The following CDH13 variants were observed in gnomAD, a reference collection of about 807,000 sequenced individuals.
The protein encoded by CDH13 is cadherin-13.
Under a neutral mutation model 63.8 loss-of-function variants are expected in CDH13, and 24 were observed. The ratio of observed to expected loss-of-function variants is 0.38; its 90% CI spans 0.27 to 0.53. The LOEUF (loss-of-function observed/expected upper bound fraction) is 0.53, where lower values mean the gene tolerates loss of function less well. CDH13 is among the 20% of genes least tolerant of loss of function. The pLI, the probability that CDH13 is intolerant of heterozygous loss-of-function variation, is 0.85. For synonymous variants in CDH13, 503 were observed against 355.3 expected, an observed-to-expected ratio of 1.42 and a Z score of -4.67; for missense variants, 1,049 against 903.1, an observed-to-expected ratio of 1.16 and a Z score of -2.07.
chr16:83,294,967 C>T (rs373135431), intron 5 of CDH13, among the ~76,000 whole-genome samples: 52 of 152,174 alleles, frequency 3.4e-4, no homozygotes, highest in East Asian at 1.7e-3. Flanking sequence ...ATCACACTAC[C>T]TGACTTCAAA....
chr16:83,456,277 C>G (rs368949362), intron 6 of CDH13, among the ~76,000 whole-genome samples: 3 of 152,194 alleles, frequency 2.0e-5, no homozygotes, highest in African/African-American at 7.2e-5. Context: ...GAACATTTCA[C>G]TAAATCGAAT....
rs138881914 is a variant in CDH13, at chr16:83,229,917, G to A, written c.636+12420G>A. Among the ~76,000 whole-genome samples the A allele has an allele frequency of 3.3e-5, 5 of 152,256 alleles. No homozygotes were observed. In the East Asian group the frequency reaches 7.7e-4, roughly 24 times the overall value. ...TAGCAAACTGGAGAGTCGCATCCTC[G>A]TTAAATGATGGCTTAGCATGTAAAA... On this transcript the variant is annotated intron_variant, in intron 5 of 13. Transcript: ENST00000567109.
intron 1 of CDH13, among the ~76,000 whole-genome samples, chr16:82,841,646 G>C (rs1390398721): frequency 6.6e-6 from 1 of 151,976 alleles, no homozygotes; most frequent in Non-Finnish European, 1.5e-5. Context: ...TTTCCAGGCT[G>C]TTTTAACTCA....
intron 7 of CDH13, among the ~76,000 whole-genome samples, chr16:83,537,612 G>C (rs1006140745): frequency 2.6e-5 from 4 of 150,996 alleles, no homozygotes; most frequent in Non-Finnish European, 4.4e-5. Flanking sequence ...AGTACCCTAA[G>C]ACAGAAGCTT....
intron 1 of CDH13, among the ~76,000 whole-genome samples, chr16:82,706,803 C>G (rs1482541961): frequency 4.2e-5 from 6 of 144,012 alleles, no homozygotes; most frequent in Non-Finnish European, 9.2e-5. Flanking sequence ...GACTCTGTCT[C>G]AAAAAAAAAA....
At chr16:82,768,672 C>G (rs2034644929) in intron 1 of CDH13, among the ~76,000 whole-genome samples, 1 of 152,168 alleles carries the variant, frequency 6.6e-6, no homozygotes, top group African/African-American at 2.4e-5. Context: ...TCAGGATCAT[C>G]CAGCCTAGTG....
intron 1 of CDH13, among the ~76,000 whole-genome samples, chr16:82,740,582 G>A (rs2033883295): frequency 2.0e-5 from 3 of 152,152 alleles, no homozygotes; most frequent in Admixed American, 2.0e-4. Flanking sequence ...TCTAGGCTGG[G>A]CTCAGCTGGG....
chr16:83,402,075 C>A (rs989645319), intron 6 of CDH13, among the ~76,000 whole-genome samples: 1 of 152,110 alleles, frequency 6.6e-6, no homozygotes, highest in Non-Finnish European at 1.5e-5. Flanking sequence ...TTGTAGAGTA[C>A]ATAGGTGTTA....
intron 10 of CDH13, among the ~76,000 whole-genome samples, chr16:83,695,817 A>G (rs989968558): frequency 6.6e-6 from 1 of 152,192 alleles, no homozygotes; most frequent in African/African-American, 2.4e-5. Context: ...CCTGTTCTAT[A>G]GATGAGGAAG....
chr16:83,250,014 G>C (rs751480877), intron 5 of CDH13, among the ~76,000 whole-genome samples: 12 of 152,186 alleles, frequency 7.9e-5, no homozygotes, highest in Non-Finnish European at 1.3e-4. Flanking sequence ...TGCAATAGGA[G>C]TGTAATGAGA....
At chr16:83,006,379 G>C (rs1325303950) in intron 2 of CDH13, among the ~76,000 whole-genome samples, 3 of 152,206 alleles carry the variant, frequency 2.0e-5, no homozygotes, top group Admixed American at 6.5e-5. Flanking sequence ...TATGTCTCCT[G>C]AATGGTTTTG....
chr16:82,840,584 C>G (rs1278448692), intron 1 of CDH13, among the ~76,000 whole-genome samples: 4 of 149,444 alleles, frequency 2.7e-5, no homozygotes, highest in African/African-American at 9.8e-5. Context: ...ACTTGGGTGG[C>G]TGAGGCAGGA....
chr16:82,803,000 C>T (rs1246338312), intron 1 of CDH13, among the ~76,000 whole-genome samples: 1 of 152,200 alleles, frequency 6.6e-6, no homozygotes, highest in African/African-American at 2.4e-5. Flanking sequence ...TTCATCCAAC[C>T]CTGTTCGGTT....
intron 3 of CDH13, among the ~76,000 whole-genome samples, chr16:83,061,767 C>T (rs2031570645): frequency 6.6e-6 from 1 of 152,144 alleles, no homozygotes; most frequent in South Asian, 2.1e-4. Flanking sequence ...GAAGCCTCAC[C>T]CCAGATACGG....
intron 5 of CDH13, among the ~76,000 whole-genome samples, chr16:83,225,595 C>T (rs749955486): frequency 6.6e-6 from 1 of 152,168 alleles, no homozygotes; most frequent in African/African-American, 2.4e-5. Flanking sequence ...GTCGGCAGAA[C>T]CAGCTTTATC....
At chr16:82,718,471 T>TGAA (rs1292225778) in intron 1 of CDH13, among the ~76,000 whole-genome samples, 3 of 152,022 alleles carry the variant, frequency 2.0e-5, no homozygotes, top group African/African-American at 7.3e-5. Flanking sequence ...GTGGGGATGG[T>TGAA]GAAGAAGAAG....
chr16:82,986,919 G>T (rs921481059), intron 2 of CDH13, among the ~76,000 whole-genome samples: 1 of 152,196 alleles, frequency 6.6e-6, no homozygotes, highest in African/African-American at 2.4e-5. Flanking sequence ...CCTGGTTTGG[G>T]TGAGTTAAGT....
chr16:83,718,064 G>T (rs1567545793), intron 10 of CDH13, among the ~76,000 whole-genome samples: 1 of 152,184 alleles, frequency 6.6e-6, no homozygotes, highest in Non-Finnish European at 1.5e-5. Context: ...ACTTTGGATT[G>T]CCCCCGAAGC....
chr16:83,472,530 G>A (rs992231740), intron 6 of CDH13, among the ~76,000 whole-genome samples: 3 of 152,148 alleles, frequency 2.0e-5, no homozygotes, highest in Admixed American at 1.3e-4. Flanking sequence ...GCTCAGGGGC[G>A]GGACTCACAA....
Sources: allele counts gnomAD v4.1 joint callset (sites outside exome capture counted in the v4.1 genomes callset), GRCh38; gene constraint gnomAD v4.1.1; transcripts MANE v1.5; gene names NCBI Gene and HGNC (gene_info 2026-07-23, HGNC 2026-07-21).